The following ASTN2 variants were observed in gnomAD, a reference collection of about 807,000 sequenced individuals.
The protein encoded by ASTN2 is astrotactin-2.
Under a neutral mutation model 139.8 loss-of-function variants are expected in ASTN2, and 54 were observed. The ratio of observed to expected loss-of-function variants is 0.39; its 90% confidence interval spans 0.31 to 0.48. ASTN2 has a LOEUF of 0.48. Among genes scored for constraint, ASTN2 ranks in the 20% least tolerant of loss-of-function variants. ASTN2 has a pLI of 0.95. For synonymous variants in ASTN2, 756 were observed against 719.5 expected (o/e 1.05, Z -0.81); for missense variants, 1,565 against 1,725.1 (o/e 0.91, Z 1.64).
intron 2 of ASTN2, among the ~76,000 whole-genome samples, chr9:117,275,818 C>A (rs764729226): frequency 2.2e-4 from 34 of 152,042 alleles, no homozygotes; most frequent in Admixed American, 7.9e-4. Context: ...AATTCGCCTG[C>A]GTTGGCCTCC....
At chr9:117,301,970 G>A (rs184224353) in intron 1 of ASTN2, among the ~76,000 whole-genome samples, 281 of 125,684 alleles carry the variant, frequency 2.2e-3, no homozygotes, top group African/African-American at 7.7e-3. Context: ...TGCATTGGAA[G>A]GAGCCTAGAG....
intron 1 of ASTN2, among the ~76,000 whole-genome samples, chr9:117,400,483 G>A (rs927437886): frequency 5.9e-5 from 9 of 152,180 alleles, no homozygotes; most frequent in African/African-American, 2.2e-4. Flanking sequence ...GAGAAAAGAG[G>A]GGAGGGAGGG....
intron 1 of ASTN2, among the ~76,000 whole-genome samples, chr9:117,402,878 C>T (rs1285356197): frequency 6.6e-6 from 1 of 152,064 alleles, no homozygotes; most frequent in Non-Finnish European, 1.5e-5. Context: ...AGAGATGACA[C>T]CCCTTAGAGC....
At chr9:116,634,084 C>T (rs1455359385) in intron 17 of ASTN2, among the ~76,000 whole-genome samples, 1 of 152,138 alleles carries the variant, frequency 6.6e-6, no homozygotes, top group East Asian at 1.9e-4. Flanking sequence ...AGCAAACTGA[C>T]AGAATCATCT....
intron 3 of ASTN2, among the ~76,000 whole-genome samples, chr9:117,173,422 C>T (rs1371231551): frequency 1.3e-5 from 2 of 151,982 alleles, no homozygotes; most frequent in African/African-American, 4.8e-5. Context: ...AATGTTTTGT[C>T]CATTAATTAG....
At chr9:116,598,003 C>T (rs1023050571) in intron 19 of ASTN2, among the ~76,000 whole-genome samples, 42 of 152,172 alleles carry the variant, frequency 2.8e-4, no homozygotes, top group African/African-American at 9.7e-4. Context: ...CTCTTACAAT[C>T]TTGCCTTCAT....
At chr9:117,011,795 G>A (rs776706218) in intron 6 of ASTN2, among the ~76,000 whole-genome samples, 2 of 152,196 alleles carry the variant, frequency 1.3e-5, no homozygotes, top group Non-Finnish European at 2.9e-5. Context: ...TGCACAACCA[G>A]TAAGTGGCCA....
intron 3 of ASTN2, among the ~76,000 whole-genome samples, chr9:117,168,046 C>T (rs1830709543): frequency 6.6e-6 from 1 of 152,086 alleles, no homozygotes; most frequent in Non-Finnish European, 1.5e-5. Flanking sequence ...ACCAAGTCAG[C>T]TTCTTTGAGA....
Position 116,618,330 on chromosome 9 carries a change from A to G in ASTN2, c.3349T>C (p.Tyr1117His), listed in dbSNP as rs1564158226. 1.2e-6 allele frequency: 2 copies of G among 1,613,740 alleles called. No individual in the cohort carries two copies. Among genetic ancestry groups the G allele is most frequent in the Non-Finnish European group, 1.7e-6 (2 of 1,179,848 alleles). Reference sequence around the variant, plus strand: ...TGGGAACTCATGTACCTACCTGTGTACAGGTCAGTGTCTGTGTATTCATCC... The same window carrying G: ...TGGGAACTCATGTACCTACCTGTGTGCAGGTCAGTGTCTGTGTATTCATCC... ...KVDEYTDTDL[Y>H]TGEFLSFADD... Residue 1117 changes from tyrosine (Y) to histidine (H), a missense_variant, in exon 19 of 23, where the codon TAC becomes CAC. Around this residue, in one of 4 missense-constraint regions of ASTN2, gnomAD observed 418 missense variants for 465.8 expected, o/e 0.90. Coordinates refer to ENST00000313400, the MANE Select transcript of ASTN2 (RefSeq NM_001365068.1).
At chr9:117,150,990 C>T (rs1179154235) in intron 3 of ASTN2, among the ~76,000 whole-genome samples, 2 of 152,030 alleles carry the variant, frequency 1.3e-5, no homozygotes, top group Non-Finnish European at 2.9e-5. Context: ...TGTGAGCCAC[C>T]ACACCTAGTC....
chr9:116,785,904 T>A (rs1488221545), intron 13 of ASTN2, among the ~76,000 whole-genome samples: 2 of 152,222 alleles, frequency 1.3e-5, no homozygotes, highest in Admixed American at 6.5e-5. Flanking sequence ...TCTGCTCAAA[T>A]AATGCACTAG....
intron 10 of ASTN2, among the ~76,000 whole-genome samples, chr9:116,956,773 C>G (rs1835720447): frequency 6.6e-6 from 1 of 151,966 alleles, no homozygotes; most frequent in African/African-American, 2.4e-5. Flanking sequence ...TTGTATTTCT[C>G]TACACTAGCA....
At chr9:117,095,615 CA>C (rs1828821720) in intron 5 of ASTN2, among the ~76,000 whole-genome samples, 1 of 152,202 alleles carries the variant, frequency 6.6e-6, no homozygotes, top group African/African-American at 2.4e-5. Context: ...TTTCCCTTCA[CA>C]CTTTGGCTGC....
chr9:117,331,453 G>A (rs1013880077), intron 1 of ASTN2, among the ~76,000 whole-genome samples: 2 of 152,054 alleles, frequency 1.3e-5, no homozygotes, highest in Admixed American at 6.6e-5. Context: ...ATTGAGCCTC[G>A]GTGTTCTCAT....
At chr9:117,010,738 G>A (rs754096314) in intron 6 of ASTN2, among the ~76,000 whole-genome samples, 1 of 152,200 alleles carries the variant, frequency 6.6e-6, no homozygotes, top group Non-Finnish European at 1.5e-5. Context: ...AAGAGGATGA[G>A]CAAAGTGGGA....
chr9:116,939,285 A>T (rs1835162307), intron 10 of ASTN2, among the ~76,000 whole-genome samples: 1 of 152,234 alleles, frequency 6.6e-6, no homozygotes, highest in Non-Finnish European at 1.5e-5. Flanking sequence ...GATACATGGT[A>T]GCTAGCACAC....
intron 19 of ASTN2, among the ~76,000 whole-genome samples, chr9:116,515,903 T>G (rs1455953941): frequency 6.6e-6 from 1 of 152,200 alleles, no homozygotes; most frequent in Non-Finnish European, 1.5e-5. Context: ...CTGGGATGTC[T>G]TGCTAAAACA....
At chr9:116,432,635 A>C (rs2118833482) in intron 22 of ASTN2, among the ~76,000 whole-genome samples, 1 of 152,312 alleles carries the variant, frequency 6.6e-6, no homozygotes, top group Admixed American at 6.5e-5. Flanking sequence ...TGCAAGAATA[A>C]TGAATTAATA....
intron 16 of ASTN2, among the ~76,000 whole-genome samples, chr9:116,664,586 A>G (rs945218894): frequency 5.3e-5 from 8 of 151,690 alleles, no homozygotes; most frequent in Non-Finnish European, 1.2e-4. Flanking sequence ...TTCATTTATA[A>G]GTTTTAGCTT....
Sources: allele counts gnomAD v4.1 joint callset (sites outside exome capture counted in the v4.1 genomes callset), GRCh38; gene constraint gnomAD v4.1.1; regional missense constraint gnomAD v4.1.1; transcripts MANE v1.5; gene names NCBI Gene and HGNC (gene_info 2026-07-23, HGNC 2026-07-21).